GRID1: variants seen among roughly 807,000 people sequenced by gnomAD.
The protein encoded by GRID1 is glutamate receptor ionotropic, delta-1.
Under a neutral mutation model 98.0 loss-of-function variants are expected in GRID1, and 28 were observed. The ratio of observed to expected loss-of-function variants is 0.29; its 90% CI spans 0.21 to 0.39. The LOEUF is 0.39. Among genes scored for constraint, GRID1 ranks in the 10% least tolerant of loss-of-function variants. The pLI, the probability that GRID1 is intolerant of heterozygous loss-of-function variation, is 1.00. For missense variants in GRID1, 1,111 were observed against 1,340.5 expected (o/e 0.83, Z 2.67); for synonymous variants, 553 against 538.5 (o/e 1.03, Z -0.37).
intron 8 of GRID1, among the ~76,000 whole-genome samples, chr10:85,820,141 CAGAAAGAAAGAA>C (rs71016112): frequency 0.046 from 5,311 of 114,876 alleles, 204 homozygotes; most frequent in Middle Eastern, 0.053. Flanking sequence ...AAGAAAGAAA[CAGAAAGAAAGAA>C]AGAAAGAAAG....
chr10:85,891,463 A>C (rs370156677), intron 5 of GRID1, among the ~76,000 whole-genome samples: 18 of 152,206 alleles, frequency 1.2e-4, no homozygotes, highest in Admixed American at 6.5e-4. Context: ...TAAGAGTGCA[A>C]ATGCTGGCTG....
intron 2 of GRID1, among the ~76,000 whole-genome samples, chr10:86,355,637 C>T (rs1313589283): frequency 1.3e-5 from 2 of 152,234 alleles, no homozygotes; most frequent in Non-Finnish European, 2.9e-5. Context: ...GAAAGGGGAA[C>T]TCTGGGTTCT....
intron 4 of GRID1, among the ~76,000 whole-genome samples, chr10:86,029,107 C>A (rs749295149): frequency 3.3e-5 from 5 of 152,186 alleles, no homozygotes; most frequent in African/African-American, 1.2e-4. Context: ...CATAGTAGAT[C>A]CAGCTGCCTC....
chr10:85,828,323 C>A (rs188038577), intron 8 of GRID1, among the ~76,000 whole-genome samples: 2 of 151,868 alleles, frequency 1.3e-5, no homozygotes, highest in Non-Finnish European at 2.9e-5. Flanking sequence ...GTGCTGAATC[C>A]CACATCAAAA....
intron 4 of GRID1, among the ~76,000 whole-genome samples, chr10:85,945,202 A>G (rs749128384): frequency 1.3e-5 from 2 of 152,238 alleles, no homozygotes; most frequent in African/African-American, 4.8e-5. Flanking sequence ...ATTAGAATAT[A>G]TAATACGAAA....
intron 4 of GRID1, among the ~76,000 whole-genome samples, chr10:85,967,514 G>A (rs941626740): frequency 6.6e-6 from 1 of 152,158 alleles, no homozygotes; most frequent in African/African-American, 2.4e-5. Flanking sequence ...GGGGACAGTT[G>A]TTGAAATTAG....
intron 8 of GRID1, among the ~76,000 whole-genome samples, chr10:85,836,024 T>C (rs1439377287): frequency 1.3e-5 from 2 of 151,998 alleles, no homozygotes; most frequent in African/African-American, 2.4e-5. Context: ...TTATGTAAAA[T>C]GCAGCCAAAA....
chr10:85,728,111 C>T, intron 9 of GRID1, 59 bp from the exon 10 acceptor site: 1 of 1,154,416 alleles, frequency 8.7e-7, no homozygotes, highest in Non-Finnish European at 1.3e-6. Context: ...ACACATATTT[C>T]CAGTGTAATG....
intron 5 of GRID1, among the ~76,000 whole-genome samples, chr10:85,905,454 C>G (rs1841447217): frequency 6.6e-6 from 1 of 151,666 alleles, no homozygotes; most frequent in Non-Finnish European, 1.5e-5. Flanking sequence ...TAAATAGCAC[C>G]TGAAATGATA....
chr10:86,111,844 A>G (rs913352105), intron 4 of GRID1, among the ~76,000 whole-genome samples: 5 of 152,248 alleles, frequency 3.3e-5, no homozygotes, highest in African/African-American at 1.2e-4. Flanking sequence ...AACCTGCTGG[A>G]AAGTGCCATT....
At chr10:86,280,340 T>C (rs1406125681) in intron 2 of GRID1, among the ~76,000 whole-genome samples, 1 of 152,204 alleles carries the variant, frequency 6.6e-6, no homozygotes, top group African/African-American at 2.4e-5. Flanking sequence ...CCATGACAAC[T>C]TATCCTTCAT....
intron 13 of GRID1, among the ~76,000 whole-genome samples, chr10:85,628,084 G>A (rs570222213): frequency 5.3e-5 from 8 of 151,950 alleles, no homozygotes; most frequent in Admixed American, 2.0e-4. Flanking sequence ...TGTGTGTATA[G>A]ATGTGTCCAT....
chr10:85,681,132 G>A (rs1841204081), intron 12 of GRID1, among the ~76,000 whole-genome samples: 1 of 151,996 alleles, frequency 6.6e-6, no homozygotes, highest in African/African-American at 2.4e-5. Context: ...ATCTATAAAA[G>A]TAAAATTTAA....
At chr10:86,091,315 C>G (rs572216817) in intron 4 of GRID1, among the ~76,000 whole-genome samples, 1 of 152,222 alleles carries the variant, frequency 6.6e-6, no homozygotes, top group East Asian at 1.9e-4. Flanking sequence ...AGAGTGAGAC[C>G]AGCCCTTCAG....
intron 14 of GRID1, among the ~76,000 whole-genome samples, chr10:85,618,997 C>T (rs1250267070): frequency 1.3e-5 from 2 of 152,202 alleles, no homozygotes; most frequent in African/African-American, 4.8e-5. Flanking sequence ...TGGCACGATG[C>T]CAGCCTTTCC....
intron 2 of GRID1, among the ~76,000 whole-genome samples, chr10:86,305,566 T>C (rs1847748276): frequency 6.6e-6 from 1 of 152,166 alleles, no homozygotes; most frequent in African/African-American, 2.4e-5. Context: ...CCAAAGGCTG[T>C]GGAGGCAGCA....
intron 2 of GRID1, among the ~76,000 whole-genome samples, chr10:86,284,070 G>A (rs1289822312): frequency 7.2e-6 from 1 of 139,754 alleles, no homozygotes; most frequent in Non-Finnish European, 1.5e-5. Context: ...ATACATACCT[G>A]CCCTCACACA....
intron 2 of GRID1, among the ~76,000 whole-genome samples, chr10:86,232,456 G>A (rs1846470987): frequency 6.6e-6 from 1 of 152,212 alleles, no homozygotes; most frequent in Non-Finnish European, 1.5e-5. Context: ...GTACAGTCAA[G>A]GCAGGAGTCG....
At chr10:86,271,660 T>G (rs1357594751) in intron 2 of GRID1, among the ~76,000 whole-genome samples, 1 of 152,128 alleles carries the variant, frequency 6.6e-6, no homozygotes, top group Non-Finnish European at 1.5e-5. Context: ...ATGTCAAATT[T>G]GATACAGCAG....
Sources: gnomAD v4.1 joint callset for allele counts (sites outside exome capture counted in the v4.1 genomes callset) on GRCh38, gnomAD v4.1.1 for gene constraint, MANE v1.5 for transcripts, NCBI Gene and HGNC (gene_info 2026-07-23, HGNC 2026-07-21) for gene names.